The following NAP1L1 variants were observed in gnomAD, a reference collection of about 807,000 sequenced individuals.
NAP1L1 encodes the protein nucleosome assembly protein 1 like 1.
NAP1L1 carries 9 observed loss-of-function variants against 58.9 expected under a neutral mutation model. That is an observed-to-expected ratio of 0.15 (90% CI 0.09 to 0.27). NAP1L1 has a LOEUF of 0.27. Among genes scored for constraint, NAP1L1 ranks in the 10% least tolerant of loss-of-function variants. NAP1L1 has a pLI of 1.00. For synonymous variants in NAP1L1, 130 were observed against 138.3 expected (o/e 0.94, Z 0.42); for missense variants, 302 against 458.8 (o/e 0.66, Z 3.12).
At chr12:76,053,636 C>T (rs991862894) in intron 9 of NAP1L1, 134 bp downstream of exon 9, 2 of 1,142,802 alleles carry the variant, frequency 1.8e-6, no homozygotes, top group African/African-American at 3.2e-5. Flanking sequence ...TTGATAAGCA[C>T]TTTTCAGAAA....
At chr12:76,068,152 CTTTT>C (rs1238441492) in intron 3 of NAP1L1, among the ~76,000 whole-genome samples, 1 of 152,064 alleles carries the variant, frequency 6.6e-6, no homozygotes, top group African/African-American at 2.4e-5. Flanking sequence ...TTCCCAATTA[CTTTT>C]TTTGAGGTCA....
chr12:76,081,596 T>C (rs1052674098), intron 1 of NAP1L1, among the ~76,000 whole-genome samples: 1 of 152,112 alleles, frequency 6.6e-6, no homozygotes, highest in African/African-American at 2.4e-5. Flanking sequence ...TAACCCTGTT[T>C]CCCAATAAAA....
At chr12:76,057,897 T>G in intron 6 of NAP1L1, 3 of 1,293,656 alleles carry the variant, frequency 2.3e-6, no homozygotes, top group Non-Finnish European at 3.3e-6. Context: ...ATAGCCAAAA[T>G]TCCCAGAGCA....
intron 1 of NAP1L1, among the ~76,000 whole-genome samples, chr12:76,080,377 G>T (rs1442613410): frequency 2.6e-5 from 4 of 152,110 alleles, no homozygotes; most frequent in African/African-American, 7.2e-5. Context: ...GCTTTTTGTG[G>T]TTAGAGTACA....
At position 76,078,626 on chromosome 12, in the gene NAP1L1, C is replaced by T. The variant is rs565835539; in HGVS notation, c.-20-4387G>A. Among the ~76,000 whole-genome samples, 8 of 152,170 alleles carry T rather than the reference C, an allele frequency of 5.3e-5. No individual in the cohort carries two copies. In the South Asian group the frequency reaches 1.7e-3, roughly 32 times the overall value. ...AAGTCATCTATTAAAGGTGATATAA[C>T]AAAATTTGGAAAACTAGAACTTCTA... On this transcript the variant is annotated intron_variant, in intron 1 of 14. Coordinates refer to ENST00000618691, the MANE Select transcript of NAP1L1 (RefSeq NM_004537.7).
chr12:76,062,683 G>C (rs909067350), intron 4 of NAP1L1, among the ~76,000 whole-genome samples: 3 of 152,298 alleles, frequency 2.0e-5, no homozygotes, highest in Admixed American at 2.0e-4. Context: ...ATGTTGAAAA[G>C]TTCTACCAGA....
chr12:76,045,512 A>G lies in NAP1L1; in HGVS notation c.*2917T>C, dbSNP rs1348352736. On this transcript the variant is annotated 3_prime_UTR_variant, in exon 15 of 15. Coordinates refer to ENST00000618691, the MANE Select transcript of NAP1L1 (RefSeq NM_004537.7). Reference sequence around the variant, plus strand: ...CACACAACAAAAATATTTTTATGAAAGTTAATATATCCTTTCCTGATTAAG... The same window carrying G: ...CACACAACAAAAATATTTTTATGAAGGTTAATATATCCTTTCCTGATTAAG... 6.6e-6 allele frequency: 1 copy of G among 152,050 alleles called. No individual in the cohort carries two copies. The highest frequency in any genetic ancestry group is 2.4e-5 in the African/African-American group (1 of 41,452). 9.4% of individuals were successfully genotyped at this position (152,050 alleles called of 1,614,324 possible).
At chr12:76,064,507 A>G (rs1949571311) in intron 4 of NAP1L1, among the ~76,000 whole-genome samples, 1 of 152,078 alleles carries the variant, frequency 6.6e-6, no homozygotes, top group African/African-American at 2.4e-5. Context: ...TAAGCATTCA[A>G]TTTAAAAAAC....
At chr12:76,049,695 T>C in intron 13 of NAP1L1, 61 bp downstream of exon 13, 1 of 1,590,546 alleles carries the variant, frequency 6.3e-7, no homozygotes, top group Non-Finnish European at 8.6e-7. Context: ...ACATAAGTCA[T>C]TCAATTTGCT....
At chr12:76,063,713 C>A (rs1321225468) in intron 4 of NAP1L1, among the ~76,000 whole-genome samples, 1 of 151,948 alleles carries the variant, frequency 6.6e-6, no homozygotes. Context: ...AGGAGAATCA[C>A]TTGAGCCGAA....
In NAP1L1 at chr12:76,042,144, C is replaced by A. The variant is rs1227255310; in HGVS notation, c.*6285G>T. The A allele has an allele frequency of 6.6e-6, 1 of 152,040 alleles. No individual in the cohort carries two copies. The highest frequency in any genetic ancestry group is 2.4e-5 in the African/African-American group (1 of 41,380). The allele number at this position is 152,040 out of a possible 1,614,324, so 9.4% of individuals were successfully genotyped here. A position where few individuals can be genotyped will look rare whatever the true frequency, so the allele number is the denominator to read the frequency against. ...GTCTTAGTCTCAGTGTTCTTATGTA[C>A]ACTGAGTAATGCATCCCTTACACCT... On this transcript the variant is annotated 3_prime_UTR_variant, in exon 15 of 15. Coordinates refer to ENST00000618691, the MANE Select transcript of NAP1L1 (RefSeq NM_004537.7).
intron 1 of NAP1L1, among the ~76,000 whole-genome samples, chr12:76,081,755 G>A (rs1054274336): frequency 6.6e-6 from 1 of 152,140 alleles, no homozygotes; most frequent in Non-Finnish European, 1.5e-5. Flanking sequence ...TGTGCTAAAC[G>A]ACTTACATAT....
In NAP1L1 at chr12:76,045,543, TA is replaced by T. The variant is rs1948593021; in HGVS notation, c.*2885del. 1 of 152,050 alleles carries T rather than the reference TA, an allele frequency of 6.6e-6. No individual in the cohort carries two copies. Among genetic ancestry groups the T allele is most frequent in the South Asian group, 2.1e-4 (1 of 4,830 alleles). 9.4% of individuals were successfully genotyped at this position (152,050 alleles called of 1,614,324 possible). A position where few individuals can be genotyped will look rare whatever the true frequency, so the allele number is the denominator to read the frequency against. ...TATATCCTTTCCTGATTAAGTGTGC[TA>T]AAACAGAAATAGAGGTAGAATCCCA... On this transcript the variant is annotated 3_prime_UTR_variant, in exon 15 of 15. Transcript: ENST00000618691.
intron 2 of NAP1L1, among the ~76,000 whole-genome samples, chr12:76,072,398 G>A (rs1478947355): frequency 6.6e-6 from 1 of 151,588 alleles, no homozygotes; most frequent in Non-Finnish European, 1.5e-5. Flanking sequence ...AAAGTCTTCA[G>A]TTCTGTCCAG....
intron 6 of NAP1L1, chr12:76,057,877 A>G: frequency 7.0e-7 from 1 of 1,438,640 alleles, no homozygotes; most frequent in Non-Finnish European, 9.6e-7. Context: ...CGGTACCACA[A>G]AAGGTTACTA....
At chr12:76,057,622 C>CT in intron 6 of NAP1L1, 1 of 1,290,346 alleles carries the variant, frequency 7.7e-7, no homozygotes, top group Non-Finnish European at 1.1e-6. Context: ...TGATTACCTA[C>CT]TTTGAGTCCT....
At chr12:76,050,929 A>G (rs1948791317) in intron 11 of NAP1L1, among the ~76,000 whole-genome samples, 2 of 149,954 alleles carry the variant, frequency 1.3e-5, no homozygotes, top group Non-Finnish European at 3.0e-5. Context: ...TGAGGTGGGA[A>G]GATTGCTGGA....
intron 1 of NAP1L1, among the ~76,000 whole-genome samples, chr12:76,078,003 G>A (rs10880035): frequency 0.83 from 113,236 of 135,842 alleles, 47,537 homozygotes; most frequent in East Asian, 0.99. Flanking sequence ...AAAAAAAAAG[G>A]AAAAGAATTA....
At chr12:76,049,330 CAA>C (rs767724196) in intron 13 of NAP1L1, 80 bp from the exon 14 acceptor site, 6 of 1,606,764 alleles carry the variant, frequency 3.7e-6, no homozygotes, top group Non-Finnish European at 5.1e-6. Context: ...AAATTTAATA[CAA>C]GTTACTCTAC....
Sources: allele counts gnomAD v4.1 joint callset (sites outside exome capture counted in the v4.1 genomes callset), GRCh38; gene constraint gnomAD v4.1.1; transcripts MANE v1.5; gene names NCBI Gene and HGNC (gene_info 2026-07-23, HGNC 2026-07-21).